OTOF: variants seen among roughly 807,000 people sequenced by gnomAD.
The protein encoded by OTOF is fer-1-like family member 2.
Under a neutral mutation model 236.8 loss-of-function variants are expected in OTOF, and 218 were observed. That is an observed-to-expected ratio of 0.92 (90% CI 0.82 to 1.03). The LOEUF is 1.03. Among genes scored for constraint, OTOF ranks in the 50% least tolerant of loss-of-function variants. OTOF has a pLI of 0.00. For synonymous variants in OTOF, 1,041 were observed against 1,072.5 expected (o/e 0.97, Z 0.57); for missense variants, 2,590 against 2,694.4 (o/e 0.96, Z 0.86).
At chr2:26,459,175 G>A (rs569869288) in intron 46 of OTOF, among the ~76,000 whole-genome samples, 1 of 152,186 alleles carries the variant, frequency 6.6e-6, no homozygotes, top group Non-Finnish European at 1.5e-5. Flanking sequence ...ACGGGTGAGA[G>A]CCATTTCCAG....
At chr2:26,481,054 T>A (rs1305635821) in intron 14 of OTOF, 45 bp from the exon 15 acceptor site, 1 of 1,472,706 alleles carries the variant, frequency 6.8e-7, no homozygotes, top group Non-Finnish European at 9.5e-7. Context: ...TCACATCCAG[T>A]TTCCCTGGGG....
Position 26,558,547 on chromosome 2 carries a change from T to A in OTOF, c.25A>T (p.Thr9Ser). Residue 9 changes from threonine to serine, a missense_variant, in exon 1 of 47, where the codon ACA (threonine) becomes TCA (serine). By Grantham distance (58) the Thr-to-Ser change is moderately conservative. Around this residue, in one of 2 missense-constraint regions of OTOF, gnomAD observed 1,379 missense variants for 1,341.6 expected, o/e 1.03. Coordinates refer to ENST00000272371, the MANE Select transcript of OTOF (RefSeq NM_194248.3). Reference protein sequence around the residue: MALLIHLKTVSELRGRGDR... With the variant: MALLIHLKSVSELRGRGDR... ...CCCCTGCCCCGCAGCTCCGAGACTG[T>A]CTTGAGGTGGATGAGCAAGGCCATG... 6.2e-7 allele frequency: 1 copy of A among 1,613,828 alleles called. No homozygotes were observed. Among genetic ancestry groups the A allele is most frequent in the Non-Finnish European group, 8.5e-7 (1 of 1,179,912 alleles).
chr2:26,472,775 G>C (rs2148040397), intron 29 of OTOF, 126 bp from the exon 30 acceptor site: 1 of 960,450 alleles, frequency 1.0e-6, no homozygotes, highest in African/African-American at 1.6e-5. Flanking sequence ...AGGGGGACAG[G>C]CAGTCAAGGG....
intron 1 of OTOF, among the ~76,000 whole-genome samples, chr2:26,539,821 G>A (rs1351722742): frequency 6.6e-6 from 1 of 152,202 alleles, no homozygotes; most frequent in Non-Finnish European, 1.5e-5. Context: ...ATACTTTGAT[G>A]TGAGCCACTG....
chr2:26,527,780 C>T (rs1480228776), intron 3 of OTOF, 52 bp downstream of exon 3: 37 of 1,330,666 alleles, frequency 2.8e-5, no homozygotes, highest in Non-Finnish European at 3.8e-5. Flanking sequence ...AGGAGAAGAG[C>T]AGGCTCCCAG....
rs759559737 is a variant in OTOF, at chr2:26,473,185, C to G, written c.3680G>C (p.Arg1227Pro). The change falls in exon 29 of 47, where the codon CGA becomes CCA. Residue 1227 changes from arginine to proline, a missense_variant. By Grantham distance (103) the Arg-to-Pro change is moderately radical. Transcript: ENST00000272371. The surrounding 1 kb of genome is among the most constrained non-coding windows in gnomAD (Gnocchi z 7.2). ...GTCTGGGGGCCGGTAGATGAAGCGTCGCAGGGAGCTGACGGCATGGGAGCC... is the reference window on the plus strand; with the variant it reads ...GTCTGGGGGCCGGTAGATGAAGCGTGGCAGGGAGCTGACGGCATGGGAGCC... ...LVGSHAVSSL[R>P]RFIYRPPDRS... 6.2e-7 allele frequency: 1 copy of G among 1,612,968 alleles called. No individual in the cohort carries two copies. The highest frequency in any genetic ancestry group is 1.1e-5 in the South Asian group (1 of 91,068).
At chr2:26,530,606 A>C (rs1666921404) in intron 2 of OTOF, among the ~76,000 whole-genome samples, 1 of 151,628 alleles carries the variant, frequency 6.6e-6, no homozygotes, top group South Asian at 2.1e-4. Context: ...TCCCTCCCGC[A>C]TTTTCCACCC....
intron 4 of OTOF, among the ~76,000 whole-genome samples, chr2:26,517,427 A>C (rs892180330): frequency 6.6e-6 from 1 of 152,230 alleles, no homozygotes; most frequent in Non-Finnish European, 1.5e-5. Context: ...TCACTGTGCT[A>C]GGCATCATGC....
Position 26,480,237 on chromosome 2 carries a change from G to A in OTOF, c.1878C>T (p.Asn626=), listed in dbSNP as rs200614188. 6.2e-6 allele frequency: 10 copies of A among 1,612,704 alleles called. No individual in the cohort carries two copies. In the East Asian group the frequency reaches 1.1e-4, roughly 18 times the overall value. ...FLEASMIDRR[N]GDKPITFEVT... ...CCTCAAAGGTGATGGGCTTGTCTCC[G>A]TTTCTCCGGTCGATCATTGAGGCCT... Residue 626 remains asparagine (N), a synonymous_variant, in exon 16 of 47, where the codon AAC becomes AAT. Transcript: ENST00000272371.
intron 1 of OTOF, among the ~76,000 whole-genome samples, chr2:26,542,553 G>A (rs770225920): frequency 1.1e-4 from 17 of 152,194 alleles, no homozygotes; most frequent in East Asian, 7.7e-4. Flanking sequence ...AGAGGCACAC[G>A]CATTGACGCT....
rs201246660 is a variant in OTOF at position 26,477,179 on chromosome 2, G to T, written c.2516C>A (p.Ala839Glu). Residue 839 changes from alanine to glutamate, a missense_variant, in exon 21 of 47, where the codon GCG (alanine) becomes GAG (glutamate). Around this residue, in one of 2 missense-constraint regions of OTOF, gnomAD observed 1,379 missense variants for 1,341.6 expected, o/e 1.03. Coordinates refer to ENST00000272371, the MANE Select transcript of OTOF (RefSeq NM_194248.3). The surrounding 1 kb of genome is among the most constrained non-coding windows in gnomAD (Gnocchi z 4.7). ...CGACCCCTTGGGCCGCACCTCGTCC[G>T]CCAGGAAGCGCAGCTTCTGCAGGAA... ...QNFLQKLRFLADEPQHSIPDI... is the reference protein window; with the variant it reads ...QNFLQKLRFLEDEPQHSIPDI... The T allele has an allele frequency of 2.5e-6, 4 of 1,609,774 alleles. No individual in the cohort carries two copies. The highest frequency in any genetic ancestry group is 1.7e-5 in the Admixed American group (1 of 59,896).
Position 26,460,584 on chromosome 2 carries a change from C to A in OTOF, c.5813+63G>T. ...GAGATGGGGTGTCTGGGGATCGTCT[C>A]CTTCCTGTTCCAGCGCCTCCAAGAG... On this transcript the variant is annotated intron_variant, in intron 45 of 46. Coordinates refer to ENST00000272371, the MANE Select transcript of OTOF (RefSeq NM_194248.3). The surrounding 1 kb of genome is among the most constrained non-coding windows in gnomAD (Gnocchi z 5.3). The A allele has an allele frequency of 7.6e-7, 1 of 1,309,480 alleles. No individual in the cohort carries two copies. Among genetic ancestry groups the A allele is most frequent in the South Asian group, 1.2e-5 (1 of 82,882 alleles). The allele number at this position is 1,309,480 out of a possible 1,614,324, so 81.1% of individuals were successfully genotyped here.
chr2:26,543,089 AG>A (rs1667245586), intron 1 of OTOF, among the ~76,000 whole-genome samples: 1 of 152,094 alleles, frequency 6.6e-6, no homozygotes, highest in South Asian at 2.1e-4. Context: ...CCTCCCACAA[AG>A]CTCCCATGTC....
At chr2:26,485,909 G>C (rs1307886656) in intron 11 of OTOF, among the ~76,000 whole-genome samples, 1 of 152,236 alleles carries the variant, frequency 6.6e-6, no homozygotes, top group Non-Finnish European at 1.5e-5. Flanking sequence ...GAGAACCTCA[G>C]CCAGGCTGGC....
At chr2:26,538,012 C>G (rs556798353) in intron 1 of OTOF, among the ~76,000 whole-genome samples, 2,256 of 152,286 alleles carry the variant, frequency 0.015, 58 homozygotes, top group East Asian at 0.11. Flanking sequence ...ATGTTAGGAA[C>G]GGGAATGCTA....
chr2:26,465,864 A>G (rs760756769), intron 37 of OTOF, 22 bp from the exon 38 acceptor site: 2 of 1,613,986 alleles, frequency 1.2e-6, no homozygotes, highest in Non-Finnish European at 1.7e-6. Flanking sequence ...GAGTTAGGAG[A>G]AGGGCTTAAG....
chr2:26,463,739 T>G (rs1262313903), intron 40 of OTOF, among the ~76,000 whole-genome samples, 168 bp from the exon 41 acceptor site: 2 of 152,358 alleles, frequency 1.3e-5, no homozygotes, highest in East Asian at 3.9e-4. Flanking sequence ...TCACAGCTTC[T>G]GAGGGAGACA....
intron 1 of OTOF, among the ~76,000 whole-genome samples, chr2:26,540,666 G>T (rs1431243377): frequency 6.6e-6 from 1 of 151,884 alleles, no homozygotes; most frequent in African/African-American, 2.4e-5. Flanking sequence ...TGGCGGGGTC[G>T]TTGATGTCAG....
chr2:26,499,310 C>T (rs1205736256), intron 8 of OTOF, among the ~76,000 whole-genome samples: 2 of 152,020 alleles, frequency 1.3e-5, no homozygotes, highest in South Asian at 2.1e-4. Context: ...GTCCTTTTAC[C>T]TCCAGGCTTC....
Sources: gnomAD v4.1 joint callset for allele counts (sites outside exome capture counted in the v4.1 genomes callset) on GRCh38, gnomAD v4.1.1 for gene constraint, gnomAD v4.1.1 regional missense constraint, Gnocchi (gnomAD v3.1) non-coding constraint, MANE v1.5 for transcripts, NCBI Gene and HGNC (gene_info 2026-07-23, HGNC 2026-07-21) for gene names.